The following PEBP4 variants were observed in gnomAD, a reference collection of about 807,000 sequenced individuals.
The protein encoded by PEBP4 is phosphatidylethanolamine-binding protein 4.
A neutral mutation model predicts 23.9 loss-of-function variants in PEBP4; 22 were observed. The ratio of observed to expected loss-of-function variants is 0.92; its 90% CI spans 0.66 to 1.31. PEBP4 has a LOEUF of 1.31. PEBP4 is among the 40% of genes most tolerant of loss of function. PEBP4 has a pLI of 0.00. For missense variants in PEBP4, 324 were observed against 281.7 expected (o/e 1.15, Z -1.07); for synonymous variants, 112 against 99.3 (o/e 1.13, Z -0.76).
At chr8:22,930,118 C>T (rs561908178), upstream of PEBP4, among the ~76,000 whole-genome samples, 5 of 152,272 alleles carry the variant, frequency 3.3e-5, no homozygotes, top group African/African-American at 7.2e-5. Flanking sequence ...GAGTCCTTCA[C>T]GTGGACCACA....
At chr8:22,755,214 G>C (rs982471084) in intron 4 of PEBP4, among the ~76,000 whole-genome samples, 1 of 151,886 alleles carries the variant, frequency 6.6e-6, no homozygotes, top group African/African-American at 2.4e-5. Context: ...TCAAGCTTCT[G>C]CTCCTGGCTT....
chr8:22,818,930 C>A (rs1297683887), intron 3 of PEBP4, among the ~76,000 whole-genome samples: 1 of 152,090 alleles, frequency 6.6e-6, no homozygotes, highest in African/African-American at 2.4e-5. Context: ...CTGGCTTGAG[C>A]AACTGGGCCA....
chr8:22,867,383 C>T (rs779312893), intron 3 of PEBP4, among the ~76,000 whole-genome samples: 18 of 152,104 alleles, frequency 1.2e-4, no homozygotes, highest in African/African-American at 3.1e-4. Flanking sequence ...TGCTCAGATC[C>T]GAGCCTGCGA....
At chr8:22,856,795 C>T (rs1807662899) in intron 3 of PEBP4, among the ~76,000 whole-genome samples, 1 of 152,022 alleles carries the variant, frequency 6.6e-6, no homozygotes, top group Admixed American at 6.6e-5. Context: ...ATTAGTTCCT[C>T]TTCTAGGATC....
chr8:22,765,095 T>C (rs1563209048), intron 4 of PEBP4, among the ~76,000 whole-genome samples: 1 of 151,176 alleles, frequency 6.6e-6, no homozygotes, highest in African/African-American at 2.4e-5. Context: ...CTCAGTTTCT[T>C]TCCTTCTTCC....
chr8:22,892,976 G>A (rs1808523436), intron 3 of PEBP4, among the ~76,000 whole-genome samples: 1 of 152,200 alleles, frequency 6.6e-6, no homozygotes, highest in Admixed American at 6.5e-5. Context: ...GATTCACAAG[G>A]CAGAGGCAGC....
intron 4 of PEBP4, among the ~76,000 whole-genome samples, chr8:22,751,476 T>C (rs1482387556): frequency 2.0e-5 from 3 of 152,144 alleles, no homozygotes; most frequent in African/African-American, 4.8e-5. Context: ...TCTAGGTGAA[T>C]GTATCAATGT....
At chr8:22,840,784 T>C (rs528593677) in intron 3 of PEBP4, among the ~76,000 whole-genome samples, 83 of 152,336 alleles carry the variant, frequency 5.4e-4, no homozygotes, top group African/African-American at 1.8e-3. Flanking sequence ...TGCCAGGGAC[T>C]GGTGGCTGGC....
At chr8:22,867,389 T>C (rs1807927635) in intron 3 of PEBP4, among the ~76,000 whole-genome samples, 1 of 152,156 alleles carries the variant, frequency 6.6e-6, no homozygotes, top group Non-Finnish European at 1.5e-5. Flanking sequence ...GATCCGAGCC[T>C]GCGAAGATGT....
intron 4 of PEBP4, among the ~76,000 whole-genome samples, chr8:22,783,603 C>T (rs1171793585): frequency 6.6e-6 from 1 of 152,114 alleles, no homozygotes; most frequent in Non-Finnish European, 1.5e-5. Flanking sequence ...AGCGAGATCT[C>T]ACAGCAGCGA....
intron 4 of PEBP4, among the ~76,000 whole-genome samples, chr8:22,797,031 G>A (rs1191211625): frequency 2.0e-5 from 3 of 151,770 alleles, no homozygotes; most frequent in Admixed American, 2.0e-4. Flanking sequence ...CAAGGCAGGT[G>A]GATCACCTGA....
At chr8:22,751,313 G>A (rs1367132575) in intron 4 of PEBP4, among the ~76,000 whole-genome samples, 1 of 152,094 alleles carries the variant, frequency 6.6e-6, no homozygotes, top group Non-Finnish European at 1.5e-5. Flanking sequence ...GAGCTCTAGG[G>A]CTCCCAAGAC....
intron 4 of PEBP4, among the ~76,000 whole-genome samples, chr8:22,769,860 C>T (rs1280398425): frequency 1.3e-5 from 2 of 152,170 alleles, no homozygotes; most frequent in Non-Finnish European, 1.5e-5. Context: ...AGCCGTCATC[C>T]TTCCTCCCGC....
At chr8:22,799,601 C>T (rs149797206) in intron 4 of PEBP4, among the ~76,000 whole-genome samples, 8 of 152,342 alleles carry the variant, frequency 5.3e-5, no homozygotes, top group African/African-American at 1.4e-4. Flanking sequence ...ATGTGCACAA[C>T]GTGCAGGTTT....
intron 4 of PEBP4, among the ~76,000 whole-genome samples, chr8:22,732,011 A>C (rs1407830614): frequency 6.6e-6 from 1 of 152,058 alleles, no homozygotes; most frequent in Non-Finnish European, 1.5e-5. Context: ...AACAGTAATT[A>C]TAGAAATTAC....
intron 4 of PEBP4, among the ~76,000 whole-genome samples, chr8:22,801,328 C>T (rs1329455681): frequency 6.6e-6 from 1 of 152,126 alleles, no homozygotes; most frequent in African/African-American, 2.4e-5. Flanking sequence ...AGGCAGGTGA[C>T]TGGTTCAGAG....
At chr8:22,814,811 A>T (rs1806703161) in intron 4 of PEBP4, among the ~76,000 whole-genome samples, 1 of 152,218 alleles carries the variant, frequency 6.6e-6, no homozygotes, top group African/African-American at 2.4e-5. Flanking sequence ...TTAACAAGAT[A>T]GTATTCACTG....
intron 3 of PEBP4, among the ~76,000 whole-genome samples, chr8:22,849,053 G>A (rs1242920419): frequency 1.3e-5 from 2 of 152,170 alleles, no homozygotes; most frequent in African/African-American, 4.8e-5. Flanking sequence ...CTGTCCCCTT[G>A]AGATCTTAAA....
chr8:22,732,402 C>T (rs62494336), intron 4 of PEBP4, among the ~76,000 whole-genome samples: 2,853 of 152,112 alleles, frequency 0.019, 46 homozygotes, highest in African/African-American at 0.035. Context: ...AACTGGAGGG[C>T]CCATGGTGGG....
Sources: gnomAD v4.1 joint callset for allele counts (sites outside exome capture counted in the v4.1 genomes callset) on GRCh38, gnomAD v4.1.1 for gene constraint, MANE v1.5 for transcripts, NCBI Gene and HGNC (gene_info 2026-07-23, HGNC 2026-07-21) for gene names.